The following BRI3 variants were observed in gnomAD, a reference collection of about 807,000 sequenced individuals.
The protein encoded by BRI3 is brain protein I3.
Under a neutral mutation model 12.8 loss-of-function variants are expected in BRI3, and 6 were observed. That is an observed-to-expected ratio of 0.47 (90% CI 0.26 to 0.93). The LOEUF (loss-of-function observed/expected upper bound fraction) is 0.93. Among genes scored for constraint, BRI3 ranks in the 40% least tolerant of loss-of-function variants. BRI3 has a pLI of 0.15. For missense variants in BRI3, 134 were observed against 171.1 expected (o/e 0.78, Z 1.21); for synonymous variants, 91 against 76.1 (o/e 1.20, Z -1.02).
chr7:98,300,910 G>A (rs967245302), intron 1 of BRI3, among the ~76,000 whole-genome samples: 2 of 152,158 alleles, frequency 1.3e-5, no homozygotes, highest in African/African-American at 4.8e-5. Flanking sequence ...GCCTGGCTCC[G>A]ACGCTTTCCT....
At chr7:98,292,978 A>G (rs1475857724), downstream of BRI3, 1 of 1,198,272 alleles carries the variant, frequency 8.3e-7, no homozygotes, top group Non-Finnish European at 1.0e-6. Context: ...GGGTTTCTCC[A>G]TCTCTGGAAG....
chr7:98,318,546 T>C, the BRI3 span, among the ~76,000 whole-genome samples: 2 of 151,422 alleles, frequency 1.3e-5, no homozygotes, highest in South Asian at 4.3e-4. Flanking sequence ...CCCAAAGTGC[T>C]GGGATTACAG....
chr7:98,317,334 G>A, the BRI3 span: 155 of 1,614,036 alleles, frequency 9.6e-5, 1 homozygote, highest in African/African-American at 1.8e-3. Context: ...CTTGTGTTCT[G>A]TTTGGTATCT....
intron 2 of BRI3, among the ~76,000 whole-genome samples, chr7:98,284,489 A>T (rs138900866): frequency 1.2e-4 from 18 of 152,072 alleles, no homozygotes; most frequent in East Asian, 1.2e-3. Flanking sequence ...CTGCGAGGAG[A>T]GTGGAGACGG....
the BRI3 span, among the ~76,000 whole-genome samples, chr7:98,321,563 G>A: frequency 6.6e-6 from 1 of 152,186 alleles, no homozygotes; most frequent in African/African-American, 2.4e-5. Flanking sequence ...TATCTCTGCA[G>A]TGAGTGGCAG....
Position 98,281,748 on chromosome 7 carries a change from GCCGA to G in BRI3, c.-43_-40del. ...CGCCGCCGCCGCGTCCCCCGCCGGG[GCCGA>G]CCGAGCCGAGCCGGGCCGGAGCGGC... is the stretch of plus-strand genomic sequence containing the variant. On this transcript the variant is annotated 5_prime_UTR_variant, in exon 1 of 3. Transcript: ENST00000297290. 1.0e-6 allele frequency: 1 copy of G among 964,284 alleles called. No individual in the cohort carries two copies. The highest frequency in any genetic ancestry group is 1.2e-6 in the Non-Finnish European group (1 of 808,154). 59.7% of individuals were successfully genotyped at this position (964,284 alleles called of 1,614,324 possible).
chr7:98,296,368 G>C (rs1396578969), downstream of BRI3, among the ~76,000 whole-genome samples: 1 of 152,214 alleles, frequency 6.6e-6, no homozygotes, highest in African/African-American at 2.4e-5. Flanking sequence ...GCTCATGCCT[G>C]TAATCCCAGC....
intron 2 of BRI3, among the ~76,000 whole-genome samples, chr7:98,289,968 G>A (rs1341532524): frequency 9.2e-5 from 14 of 152,252 alleles, no homozygotes; most frequent in African/African-American, 3.4e-4. Context: ...TTGAAGAGGC[G>A]GCTTTGAGAT....
At chr7:98,299,266 G>A (rs1345935335) in intron 1 of BRI3, among the ~76,000 whole-genome samples, 1 of 152,010 alleles carries the variant, frequency 6.6e-6, no homozygotes, top group African/African-American at 2.4e-5. Context: ...TGATCCACCT[G>A]CCTCGGCCTC....
chr7:98,312,787 C>T (rs974071679), downstream of BRI3, among the ~76,000 whole-genome samples: 13 of 152,178 alleles, frequency 8.5e-5, 1 homozygote, highest in Admixed American at 7.9e-4. Context: ...TGCTGAGGGA[C>T]GCCCCCACCA....
At chr7:98,311,572 G>A (rs971361622), downstream of BRI3, among the ~76,000 whole-genome samples, 1 of 151,104 alleles carries the variant, frequency 6.6e-6, no homozygotes, top group Admixed American at 6.6e-5. Flanking sequence ...AAAACAGTAA[G>A]GATAAAATTT....
chr7:98,294,095 G>A, downstream of BRI3: 1 of 1,614,154 alleles, frequency 6.2e-7, no homozygotes, highest in Non-Finnish European at 8.5e-7. Context: ...CGGCTTTGCA[G>A]TCCCGTTGGC....
At chr7:98,303,385 T>A (rs1800505906), upstream of BRI3, among the ~76,000 whole-genome samples, 1 of 152,122 alleles carries the variant, frequency 6.6e-6, no homozygotes, top group Non-Finnish European at 1.5e-5. Context: ...CTCCTCCCCT[T>A]CACCCACAGG....
At chr7:98,313,198 G>A (rs1013721225), downstream of BRI3, among the ~76,000 whole-genome samples, 4 of 149,426 alleles carry the variant, frequency 2.7e-5, no homozygotes, top group Non-Finnish European at 5.9e-5. Context: ...CCAGCTGCTT[G>A]GGCCTGCTTC....
chr7:98,315,146 G>C (rs563135394), downstream of BRI3, among the ~76,000 whole-genome samples: 1 of 152,282 alleles, frequency 6.6e-6, no homozygotes, highest in South Asian at 2.1e-4. Context: ...GATTGAGACA[G>C]GGTCCCGCTC....
upstream of BRI3, among the ~76,000 whole-genome samples, chr7:98,302,299 C>T (rs1225399505): frequency 6.6e-6 from 1 of 152,208 alleles, no homozygotes; most frequent in Admixed American, 6.5e-5. Flanking sequence ...ACACTGAAGA[C>T]TATCCAGGGT....
chr7:98,321,544 T>C, the BRI3 span, among the ~76,000 whole-genome samples: 3 of 152,070 alleles, frequency 2.0e-5, no homozygotes, highest in African/African-American at 7.2e-5. Context: ...GCCCCCGGGT[T>C]TGCAATCATA....
downstream of BRI3, chr7:98,294,055 CG>C: frequency 6.2e-7 from 1 of 1,613,070 alleles, no homozygotes; most frequent in Non-Finnish European, 8.5e-7. Flanking sequence ...CTGAGGCTCA[CG>C]TAGGAAGCCA....
the BRI3 span, among the ~76,000 whole-genome samples, chr7:98,317,890 C>A: frequency 6.6e-6 from 1 of 150,968 alleles, no homozygotes; most frequent in African/African-American, 2.4e-5. Context: ...TTCACACCAT[C>A]TGCATGCTGG....
Sources: gnomAD v4.1 joint callset for allele counts (sites outside exome capture counted in the v4.1 genomes callset) on GRCh38, gnomAD v4.1.1 for gene constraint, MANE v1.5 for transcripts, NCBI Gene and HGNC (gene_info 2026-07-23, HGNC 2026-07-21) for gene names.